The following CACNG4 variants were observed in gnomAD, a reference collection of about 807,000 sequenced individuals.
The protein encoded by CACNG4 is calcium voltage-gated channel auxiliary subunit gamma 4.
Under a neutral mutation model 22.9 loss-of-function variants are expected in CACNG4, and 8 were observed. The ratio of observed to expected loss-of-function variants is 0.35; its 90% CI spans 0.21 to 0.63. The LOEUF is 0.63. CACNG4 is among the 30% of genes least tolerant of loss of function. The pLI is 0.72. For synonymous variants in CACNG4, 188 were observed against 191.9 expected (o/e 0.98, Z 0.17); for missense variants, 357 against 455.4 (o/e 0.78, Z 1.97).
At chr17:66,973,900 A>G (rs1424665007) in intron 1 of CACNG4, among the ~76,000 whole-genome samples, 1 of 152,194 alleles carries the variant, frequency 6.6e-6, no homozygotes, top group South Asian at 2.1e-4. Flanking sequence ...GACTCCGGGA[A>G]GTGCTGCGCG....
rs1471994274 is a variant in CACNG4 at position 67,027,651 on chromosome 17, C to A, written c.445+2651C>A. ...ATTCATGGAGTTGTTATTTAAGAAA[C>A]CCTTTTCCAACTCGTGCTGAATACA... On this transcript the variant is annotated intron_variant, in intron 3 of 3. Coordinates refer to ENST00000262138, the MANE Select transcript of CACNG4 (RefSeq NM_014405.4). The surrounding 1 kb of genome is among the most constrained non-coding windows in gnomAD (Gnocchi z 4.3). Among the ~76,000 whole-genome samples, 1 of 152,216 alleles carries A rather than the reference C, an allele frequency of 6.6e-6. No individual in the cohort carries two copies. The highest frequency in any genetic ancestry group is 1.9e-4 in the East Asian group (1 of 5,194).
At chr17:66,990,470 G>A (rs755035496) in intron 1 of CACNG4, among the ~76,000 whole-genome samples, 5 of 152,108 alleles carry the variant, frequency 3.3e-5, no homozygotes, top group Non-Finnish European at 7.4e-5. Context: ...ACACAGCAGC[G>A]GGTGGGTATC....
intron 1 of CACNG4, among the ~76,000 whole-genome samples, chr17:66,995,415 A>G (rs2035367928): frequency 6.6e-6 from 1 of 152,124 alleles, no homozygotes; most frequent in Non-Finnish European, 1.5e-5. Flanking sequence ...AGCAAAAGGG[A>G]GGCACTGGAA....
Position 67,031,396 on chromosome 17 carries a change from T to C in CACNG4, c.*392T>C. On this transcript the variant is annotated 3_prime_UTR_variant, in exon 4 of 4. Coordinates refer to ENST00000262138, the MANE Select transcript of CACNG4 (RefSeq NM_014405.4). The surrounding 1 kb of genome is among the most constrained non-coding windows in gnomAD (Gnocchi z 4.0). ...GATTTCAGGGCCTTCCCTCCCTGCC[T>C]GGGTGTCGGGCCACCAGAAGGCTCT... 2.1e-6 allele frequency: 1 copy of C among 466,022 alleles called. No individual in the cohort carries two copies. Among genetic ancestry groups the C allele is most frequent in the Non-Finnish European group, 4.3e-6 (1 of 233,408 alleles). The allele number at this position is 466,022 out of a possible 1,614,324, so 28.9% of individuals were successfully genotyped here. A position where few individuals can be genotyped will look rare whatever the true frequency, so the allele number is the denominator to read the frequency against.
chr17:67,021,306 T>C (rs1217745554), intron 2 of CACNG4, among the ~76,000 whole-genome samples: 1 of 151,658 alleles, frequency 6.6e-6, no homozygotes, highest in Non-Finnish European at 1.5e-5. Context: ...GGGTGGAGAA[T>C]GGGTGTTTTG....
At position 66,993,708 on chromosome 17, in the gene CACNG4, C is replaced by T. The variant is rs1050334701; in HGVS notation, c.221-24481C>T. Reference sequence around the variant, plus strand: ...GCAACCTCTGCCTCCAGGGTTCAAGCGATTCTCCTGCCTCAGCCTCCCAAG... The same window carrying T: ...GCAACCTCTGCCTCCAGGGTTCAAGTGATTCTCCTGCCTCAGCCTCCCAAG... On this transcript the variant is annotated intron_variant, in intron 1 of 3. Transcript: ENST00000262138. Among the ~76,000 whole-genome samples, 10 of 152,274 alleles carry T rather than the reference C, an allele frequency of 6.6e-5. No individual in the cohort carries two copies. In the East Asian group the frequency reaches 1.4e-3, roughly 21 times the overall value.
intron 1 of CACNG4, among the ~76,000 whole-genome samples, chr17:66,974,406 G>A (rs111983372): frequency 0.011 from 1,711 of 152,310 alleles, 23 homozygotes; most frequent in African/African-American, 0.039. Flanking sequence ...TGAAAAGGCA[G>A]CATGGGGTAG....
At chr17:66,965,182 A>ACACC in intron 1 of CACNG4, 51 bp downstream of exon 1, 4 of 1,057,184 alleles carry the variant, frequency 3.8e-6, no homozygotes, top group South Asian at 1.5e-5. Context: ...ACACACACAC[A>ACACC]CACATATACA....
chr17:66,984,561 A>C lies in CACNG4; in HGVS notation c.220+19430A>C, dbSNP rs1187760144. Among the ~76,000 whole-genome samples the C allele has an allele frequency of 6.6e-6, 1 of 152,148 alleles. No homozygotes were observed. Among genetic ancestry groups the C allele is most frequent in the African/African-American group, 2.4e-5 (1 of 41,422 alleles). Reference sequence around the variant, plus strand: ...TGTGCTATGTTCTGGGGACTCGTTCATTCATTCATTCAGCACTTATTTTTG... The same window carrying C: ...TGTGCTATGTTCTGGGGACTCGTTCCTTCATTCATTCAGCACTTATTTTTG... On this transcript the variant is annotated intron_variant, in intron 1 of 3. Coordinates refer to ENST00000262138, the MANE Select transcript of CACNG4 (RefSeq NM_014405.4). The surrounding 1 kb of genome is among the most constrained non-coding windows in gnomAD (Gnocchi z 4.0).
rs1230139440 is a variant in CACNG4 at position 67,025,624 on chromosome 17, C to T, written c.445+624C>T. On this transcript the variant is annotated intron_variant, in intron 3 of 3. Coordinates refer to ENST00000262138, the MANE Select transcript of CACNG4 (RefSeq NM_014405.4). ...CCTGGCTACAAGAAGGCAGCAGCACCTCAGAGCCATGCCCGATGTCCCCGG... is the reference window on the plus strand; with the variant it reads ...CCTGGCTACAAGAAGGCAGCAGCACTTCAGAGCCATGCCCGATGTCCCCGG... 3.3e-5 allele frequency among the ~76,000 whole-genome samples: 5 copies of T among 152,396 alleles called. No homozygotes were observed. In the East Asian group the frequency reaches 7.7e-4, roughly 23 times the overall value.
At chr17:66,989,352 G>A (rs2035325040) in intron 1 of CACNG4, among the ~76,000 whole-genome samples, 1 of 151,464 alleles carries the variant, frequency 6.6e-6, no homozygotes, top group African/African-American at 2.4e-5. Context: ...GACAGACACA[G>A]ACGGAGAAGG....
intron 1 of CACNG4, among the ~76,000 whole-genome samples, chr17:66,995,256 T>C (rs950448589): frequency 1.3e-5 from 2 of 152,206 alleles, no homozygotes; most frequent in African/African-American, 4.8e-5. Flanking sequence ...AGGGGGTTTC[T>C]GCTGGAGAAC....
Position 66,984,520 on chromosome 17 carries a change from T to C in CACNG4, c.220+19389T>C, listed in dbSNP as rs1428253677. Among the ~76,000 whole-genome samples the C allele has an allele frequency of 6.6e-6, 1 of 152,214 alleles. No homozygotes were observed. Among genetic ancestry groups the C allele is most frequent in the African/African-American group, 2.4e-5 (1 of 41,460 alleles). ...TGATCCAGCAAATACTAGTCGAGAA[T>C]GTGTGTGCCTAGCCCTGTGCTATGT... is the stretch of plus-strand genomic sequence containing the variant. On this transcript the variant is annotated intron_variant, in intron 1 of 3. Transcript: ENST00000262138. This position sits in a 1 kb window ranked among gnomAD's most constrained non-coding sequence, Gnocchi z 4.0.
chr17:67,030,543 A>G lies in CACNG4; in HGVS notation c.523A>G (p.Lys175Glu). 6.2e-7 allele frequency: 1 copy of G among 1,614,224 alleles called. No individual in the cohort carries two copies. The highest frequency in any genetic ancestry group is 8.5e-7 in the Non-Finnish European group (1 of 1,180,040). ...CCCGAGTGACAAGCGGGACGAAGAC[A>G]AAAAGAACCATTACAACTACGGCTG... ...GDPSDKRDED[K>E]KNHYNYGWSF... The change falls in exon 4 of 4, where the codon AAA becomes GAA. Residue 175 changes from lysine (K) to glutamate (E), a missense_variant. Coordinates refer to ENST00000262138, the MANE Select transcript of CACNG4 (RefSeq NM_014405.4). This position sits in a 1 kb window ranked among gnomAD's most constrained non-coding sequence, Gnocchi z 6.4.
In CACNG4 at chr17:67,031,067, T is replaced by C. The variant is rs1345027661; in HGVS notation, c.*63T>C. 6.6e-6 allele frequency: 10 copies of C among 1,515,730 alleles called. No individual in the cohort carries two copies. In the East Asian group the frequency reaches 2.3e-4, roughly 34 times the overall value. 93.9% of individuals were successfully genotyped at this position (1,515,730 alleles called of 1,614,324 possible). A position where few individuals can be genotyped will look rare whatever the true frequency, so the allele number is the denominator to read the frequency against. ...GAACGGCTCTTTTTGTCACACAGGA[T>C]GGCATGTGATCCTCAAGACGACGAA... On this transcript the variant is annotated 3_prime_UTR_variant, in exon 4 of 4. Coordinates refer to ENST00000262138, the MANE Select transcript of CACNG4 (RefSeq NM_014405.4). The surrounding 1 kb of genome is among the most constrained non-coding windows in gnomAD (Gnocchi z 4.0).
At chr17:66,980,290 AAAGT>A (rs558156660) in intron 1 of CACNG4, among the ~76,000 whole-genome samples, 200 of 152,336 alleles carry the variant, frequency 1.3e-3, no homozygotes, top group African/African-American at 4.6e-3. Flanking sequence ...ACTGACCATG[AAAGT>A]AAGTGAGAAG....
Position 66,984,752 on chromosome 17 carries a change from A to C in CACNG4, c.220+19621A>C, listed in dbSNP as rs2035295410. The stretch of plus-strand genomic sequence containing the variant: ...CATGGGATCCTCATAACCCCACAGG[A>C]AGGTGGGTTCTGTCACCCTGGATTC... On this transcript the variant is annotated intron_variant, in intron 1 of 3. Coordinates refer to ENST00000262138, the MANE Select transcript of CACNG4 (RefSeq NM_014405.4). This position sits in a 1 kb window ranked among gnomAD's most constrained non-coding sequence, Gnocchi z 4.0. Among the ~76,000 whole-genome samples, 1 of 152,046 alleles carries C rather than the reference A, an allele frequency of 6.6e-6. No individual in the cohort carries two copies. Among genetic ancestry groups the C allele is most frequent in the Non-Finnish European group, 1.5e-5 (1 of 67,988 alleles).
At chr17:67,018,362 A>C in intron 2 of CACNG4, 90 bp downstream of exon 2, 1 of 906,960 alleles carries the variant, frequency 1.1e-6, no homozygotes, top group Non-Finnish European at 1.8e-6. Context: ...CTGGGCATGG[A>C]GAGGGTGATT....
chr17:66,989,004 T>A (rs1198868107), intron 1 of CACNG4, among the ~76,000 whole-genome samples: 1 of 137,432 alleles, frequency 7.3e-6, no homozygotes, highest in Non-Finnish European at 1.5e-5. Flanking sequence ...GAGGTTGCAG[T>A]GAGCCAAGAT....
Sources: gnomAD v4.1 joint callset for allele counts (sites outside exome capture counted in the v4.1 genomes callset) on GRCh38, gnomAD v4.1.1 for gene constraint, Gnocchi (gnomAD v3.1) non-coding constraint, MANE v1.5 for transcripts, NCBI Gene and HGNC (gene_info 2026-07-23, HGNC 2026-07-21) for gene names.